SUPT3H: variants seen among roughly 807,000 people sequenced by gnomAD.
The protein encoded by SUPT3H is SPT3 homolog, SAGA and STAGA complex component.
In SUPT3H, 44 loss-of-function variants were observed where a neutral mutation model predicts 44.3. The observed-to-expected ratio is 0.99, with a 90% CI of 0.78 to 1.28. The LOEUF (loss-of-function observed/expected upper bound fraction) is 1.28, where lower values mean the gene tolerates loss of function less well. Among genes scored for constraint, SUPT3H ranks in the 50% most tolerant of loss-of-function variants. The pLI, the probability that SUPT3H is intolerant of heterozygous loss-of-function variation, is 0.00. For missense variants in SUPT3H, 380 were observed against 387.1 expected, an observed-to-expected ratio of 0.98 and a Z score of 0.15; for synonymous variants, 124 against 125.6, an observed-to-expected ratio of 0.99 and a Z score of 0.09.
rs533490822 is a variant in SUPT3H, at chr6:45,255,580, C to T, written c.101+109621G>A. Among the ~76,000 whole-genome samples, 3 of 151,998 alleles carry T rather than the reference C, an allele frequency of 2.0e-5. No individual in the cohort carries two copies. In the South Asian group the frequency reaches 6.3e-4, roughly 32 times the overall value. On this transcript the variant is annotated intron_variant, in intron 2 of 10. Coordinates refer to ENST00000371459, the MANE Select transcript of SUPT3H (RefSeq NM_003599.4). ...GGGACTATAGGCAGGCATCACCATG[C>T]CCAGCAATGTTTTTTTAATTTTTGT...
intron 6 of SUPT3H, among the ~76,000 whole-genome samples, chr6:44,966,740 T>G (rs1449613143): frequency 6.6e-6 from 1 of 152,210 alleles, no homozygotes; most frequent in Non-Finnish European, 1.5e-5. Context: ...AAGACTTACT[T>G]TGGCTATTCC....
chr6:44,906,721 C>T (rs1167943264), intron 10 of SUPT3H, among the ~76,000 whole-genome samples: 1 of 152,138 alleles, frequency 6.6e-6, no homozygotes, highest in East Asian at 1.9e-4. Context: ...GAGACTGCGC[C>T]ACTGCACTCC....
chr6:44,855,581 G>T (rs763662045), intron 10 of SUPT3H, among the ~76,000 whole-genome samples: 2 of 151,916 alleles, frequency 1.3e-5, no homozygotes, highest in Non-Finnish European at 2.9e-5. Flanking sequence ...ATATTGCAGG[G>T]AATCAAGAAT....
At chr6:45,368,649 C>T (rs561685736) in intron 1 of SUPT3H, among the ~76,000 whole-genome samples, 1 of 152,094 alleles carries the variant, frequency 6.6e-6, no homozygotes, top group Non-Finnish European at 1.5e-5. Flanking sequence ...TCATCAAAAT[C>T]TGGACTGTGA....
At chr6:45,292,549 G>A (rs568623543) in intron 2 of SUPT3H, among the ~76,000 whole-genome samples, 5 of 151,678 alleles carry the variant, frequency 3.3e-5, no homozygotes, top group African/African-American at 7.3e-5. Flanking sequence ...GAATGGATAC[G>A]TATCCACCAA....
intron 2 of SUPT3H, among the ~76,000 whole-genome samples, chr6:45,226,333 G>A (rs1766931489): frequency 6.6e-6 from 1 of 152,074 alleles, no homozygotes; most frequent in African/African-American, 2.4e-5. Context: ...ATGTGTGTAT[G>A]TTTGAGTGTG....
intron 9 of SUPT3H, among the ~76,000 whole-genome samples, chr6:44,941,977 C>T (rs1016587968): frequency 3.9e-5 from 6 of 152,046 alleles, no homozygotes; most frequent in African/African-American, 1.4e-4. Flanking sequence ...AGTTCAAATT[C>T]AAGAGAATAC....
At chr6:45,056,248 C>T (rs1233931055) in intron 3 of SUPT3H, among the ~76,000 whole-genome samples, 1 of 152,128 alleles carries the variant, frequency 6.6e-6, no homozygotes, top group East Asian at 1.9e-4. Context: ...GTAAACTGTA[C>T]AACCACTATG....
intron 2 of SUPT3H, among the ~76,000 whole-genome samples, chr6:45,362,054 AAACAACAACAAC>A (rs375160471): frequency 1.3e-5 from 2 of 151,938 alleles, no homozygotes; most frequent in Non-Finnish European, 2.9e-5. Flanking sequence ...TTCCTCTCAA[AAACAACAACAAC>A]AACAACAACA....
At chr6:44,954,654 GTT>G in intron 7 of SUPT3H, 47 bp from the exon 8 acceptor site, 1 of 1,079,122 alleles carries the variant, frequency 9.3e-7, no homozygotes, top group Non-Finnish European at 1.4e-6. Context: ...TTTTTAAAGT[GTT>G]TTAATACTGC....
chr6:45,197,636 G>C, intron 2 of SUPT3H: 1 of 350,782 alleles, frequency 2.9e-6, no homozygotes, highest in Non-Finnish European at 5.7e-6. Context: ...GGTATTTGCA[G>C]AAAAAAATTG....
chr6:45,217,832 G>A lies in SUPT3H; in HGVS notation c.102-111826C>T, dbSNP rs1004627855. The stretch of plus-strand genomic sequence containing the variant: ...TTATATCTGGGAGGCAGAGGCTGCA[G>A]TAGGCCGAGATCACACTGCTGCACT... On this transcript the variant is annotated intron_variant, in intron 2 of 10. Transcript: ENST00000371459. 4.0e-5 allele frequency among the ~76,000 whole-genome samples: 6 copies of A among 151,764 alleles called. No homozygotes were observed. In the East Asian group the frequency reaches 1.2e-3, roughly 29 times the overall value.
At chr6:45,300,386 C>A (rs1425163912) in intron 2 of SUPT3H, among the ~76,000 whole-genome samples, 1 of 152,146 alleles carries the variant, frequency 6.6e-6, no homozygotes, top group Non-Finnish European at 1.5e-5. Context: ...GTATCCACAG[C>A]CACTAGAATG....
At chr6:45,154,333 T>TA (rs551921775) in intron 2 of SUPT3H, among the ~76,000 whole-genome samples, 3 of 151,464 alleles carry the variant, frequency 2.0e-5, no homozygotes, top group Non-Finnish European at 4.4e-5. Context: ...ACTGAACAAT[T>TA]AAAAAAAAGA....
intron 2 of SUPT3H, among the ~76,000 whole-genome samples, chr6:45,324,457 A>G (rs1014226380): frequency 6.6e-6 from 1 of 152,004 alleles, no homozygotes; most frequent in Non-Finnish European, 1.5e-5. Flanking sequence ...AGTATTCATT[A>G]GTGAGGATTA....
At chr6:44,940,673 T>A (rs547149054) in intron 9 of SUPT3H, among the ~76,000 whole-genome samples, 2 of 152,250 alleles carry the variant, frequency 1.3e-5, no homozygotes, top group East Asian at 3.9e-4. Flanking sequence ...TCTATCTCTT[T>A]AGGTCTAGTA....
At chr6:45,348,512 C>CAAAAAAAAAAAAAAAAAAAA (rs754208599) in intron 2 of SUPT3H, among the ~76,000 whole-genome samples, 12 of 110,302 alleles carry the variant, frequency 1.1e-4, no homozygotes, top group Admixed American at 2.0e-4. Flanking sequence ...ACTAAAAATA[C>CAAAAAAAAAAAAAAAAAAAA]AAAAAAAAAA....
At chr6:45,030,881 G>A (rs1786811078) in intron 3 of SUPT3H, among the ~76,000 whole-genome samples, 1 of 152,152 alleles carries the variant, frequency 6.6e-6, no homozygotes. Flanking sequence ...TCCATGCAGA[G>A]GGCAAGGATC....
intron 2 of SUPT3H, among the ~76,000 whole-genome samples, chr6:45,230,434 A>T (rs1767746723): frequency 6.6e-6 from 1 of 151,492 alleles, no homozygotes. Context: ...CTTATGTAAC[A>T]ATTGTTATAT....
Sources: allele counts gnomAD v4.1 joint callset (sites outside exome capture counted in the v4.1 genomes callset), GRCh38; gene constraint gnomAD v4.1.1; transcripts MANE v1.5; gene names NCBI Gene and HGNC (gene_info 2026-07-23, HGNC 2026-07-21).